CAST: variants seen among roughly 807,000 people sequenced by gnomAD.
CAST encodes the protein MIR583 host.
A neutral mutation model predicts 119.6 loss-of-function variants in CAST; 76 were observed. That is an observed-to-expected ratio of 0.64 (90% CI 0.53 to 0.77). CAST has a LOEUF of 0.77. CAST is among the 30% of genes least tolerant of loss of function. The pLI is 0.00. For missense variants in CAST, 953 were observed against 946.5 expected (o/e 1.01, Z -0.09); for synonymous variants, 319 against 331.6 (o/e 0.96, Z 0.41).
rs139937661 is a variant in CAST, at chr5:96,670,825, G to A, written c.76-4714G>A. ...TTCTTTGATTTTTATCTTGTTTTGT[G>A]TGACATGTTCCCTTGGCTGTCTATG... is the stretch of plus-strand genomic sequence containing the variant. On this transcript the variant is annotated intron_variant, in intron 1 of 31. Coordinates refer to ENST00000675179, the MANE Select transcript of CAST (RefSeq NM_001750.7). Among the ~76,000 whole-genome samples the A allele has an allele frequency of 2.4e-3, 371 of 152,222 alleles. 2 individuals are homozygous for A. Among genetic ancestry groups the A allele is most frequent in the Non-Finnish European group, 4.9e-3 (330 of 68,008 alleles).
At chr5:96,654,017 C>A (rs1748125123) in intron 1 of CAST, among the ~76,000 whole-genome samples, 1 of 131,448 alleles carries the variant, frequency 7.6e-6, no homozygotes, top group African/African-American at 2.9e-5. Flanking sequence ...TTATCGTTTT[C>A]TTTTCTTTTC....
chr5:96,544,063 A>G (rs1029121853), intron 1 of CAST, among the ~76,000 whole-genome samples: 30 of 152,224 alleles, frequency 2.0e-4, no homozygotes, highest in African/African-American at 6.0e-4. Context: ...GCCTTTCCAT[A>G]TAAACTTTAG....
chr5:96,181,016 TTGAG>T, the CAST span, among the ~76,000 whole-genome samples: 2 of 152,214 alleles, frequency 1.3e-5, no homozygotes, highest in Non-Finnish European at 2.9e-5. Context: ...AGAGCTATTA[TTGAG>T]TACTTTTCTT....
chr5:96,138,086 CTA>C, the CAST span, among the ~76,000 whole-genome samples: 1 of 151,802 alleles, frequency 6.6e-6, no homozygotes. Context: ...AGGTATTTTC[CTA>C]TGTTTTCTTT....
intron 1 of CAST, among the ~76,000 whole-genome samples, chr5:96,652,868 G>A (rs116324776): frequency 0.024 from 3,613 of 152,258 alleles, 67 homozygotes; most frequent in Middle Eastern, 0.041. Context: ...CAGACTGCAC[G>A]GGAACCATAA....
At chr5:96,421,279 G>A in the CAST span, among the ~76,000 whole-genome samples, 3 of 152,188 alleles carry the variant, frequency 2.0e-5, no homozygotes, top group Non-Finnish European at 4.4e-5. Flanking sequence ...TGGGAGTCGG[G>A]TGCTGTCTCC....
the CAST span, among the ~76,000 whole-genome samples, chr5:96,076,422 C>G: frequency 5.3e-5 from 8 of 152,176 alleles, no homozygotes; most frequent in Non-Finnish European, 1.2e-4. Context: ...AATTTATAAT[C>G]TTCCTTCTGA....
In CAST at chr5:96,741,477, T is replaced by C. The variant is rs1363557966; in HGVS notation, c.1012-17T>C. On this transcript the variant is annotated splice_polypyrimidine_tract_variant and intron_variant, in intron 14 of 31. Coordinates refer to ENST00000675179, the MANE Select transcript of CAST (RefSeq NM_001750.7). The stretch of plus-strand genomic sequence containing the variant: ...TTCCTCATCTGTAAGTCTAATCTTT[T>C]GTATTTTGTTTTTCAGGAATCTACA... The C allele has an allele frequency of 5.0e-6, 8 of 1,594,924 alleles. No homozygotes were observed. Among genetic ancestry groups the C allele is most frequent in the Non-Finnish European group, 6.9e-6 (8 of 1,163,258 alleles).
chr5:96,229,957 G>A, the CAST span, among the ~76,000 whole-genome samples: 1 of 152,166 alleles, frequency 6.6e-6, no homozygotes, highest in Non-Finnish European at 1.5e-5. Flanking sequence ...GACGCAGACA[G>A]CTGTTTATCA....
chr5:96,620,772 G>A (rs1464219151), intron 1 of CAST, among the ~76,000 whole-genome samples: 2 of 152,206 alleles, frequency 1.3e-5, no homozygotes, highest in African/African-American at 4.8e-5. Flanking sequence ...ATGCTTAAAT[G>A]TATTGGCATA....
In CAST at chr5:96,688,904, G is replaced by C. The variant is rs142231608; in HGVS notation, c.139-6932G>C. On this transcript the variant is annotated intron_variant, in intron 2 of 31. Coordinates refer to ENST00000675179, the MANE Select transcript of CAST (RefSeq NM_001750.7). Reference sequence around the variant, plus strand: ...TAGACCTTAAAGAGAGAAGTGCTGTGTATTTGAGATTTTTTACTTTGGGGC... The same window carrying C: ...TAGACCTTAAAGAGAGAAGTGCTGTCTATTTGAGATTTTTTACTTTGGGGC... 6.2e-3 allele frequency among the ~76,000 whole-genome samples: 945 copies of C among 152,224 alleles called. 10 individuals are homozygous for C. The highest frequency in any genetic ancestry group is 0.022 in the African/African-American group (896 of 41,530).
the CAST span, chr5:96,398,882 C>T: frequency 2.5e-6 from 4 of 1,612,650 alleles, no homozygotes; most frequent in African/African-American, 2.7e-5. Flanking sequence ...AATTTACCAG[C>T]AGCAGAAGTA....
the CAST span, among the ~76,000 whole-genome samples, chr5:96,518,192 C>T: frequency 6.6e-6 from 1 of 152,134 alleles, no homozygotes; most frequent in Non-Finnish European, 1.5e-5. Flanking sequence ...ACTAGGATGA[C>T]GATATGTAAT....
the CAST span, among the ~76,000 whole-genome samples, chr5:96,480,558 C>G: frequency 1.3e-5 from 2 of 152,162 alleles, no homozygotes; most frequent in South Asian, 4.2e-4. Context: ...TTAATAGAAA[C>G]TGAGGTTATG....
the CAST span, among the ~76,000 whole-genome samples, chr5:96,243,893 A>T: frequency 6.6e-6 from 1 of 152,206 alleles, no homozygotes; most frequent in Admixed American, 6.5e-5. Context: ...CATACCTATG[A>T]GAGTGTTCTT....
At chr5:96,663,552 AACC>A (rs1748889673) in intron 1 of CAST, among the ~76,000 whole-genome samples, 1 of 152,162 alleles carries the variant, frequency 6.6e-6, no homozygotes, top group Non-Finnish European at 1.5e-5. Context: ...GTTCTTTTTT[AACC>A]CCTAAGTAAA....
intron 1 of CAST, among the ~76,000 whole-genome samples, chr5:96,580,769 G>A (rs1440565414): frequency 6.6e-6 from 1 of 152,188 alleles, no homozygotes; most frequent in Non-Finnish European, 1.5e-5. Flanking sequence ...AAAAGGCAAG[G>A]CAAGGTAGTA....
intron 3 of CAST, among the ~76,000 whole-genome samples, chr5:96,697,623 T>C (rs1029881563): frequency 6.6e-6 from 1 of 152,266 alleles, no homozygotes; most frequent in East Asian, 1.9e-4. Context: ...GTCTGCTCTT[T>C]GTTAGCCATT....
intron 4 of CAST, 63 bp from the exon 5 acceptor site, chr5:96,726,731 C>T (rs183263070): frequency 2.7e-6 from 3 of 1,113,910 alleles, no homozygotes; most frequent in Admixed American, 3.9e-5. Flanking sequence ...CCTTTTTGTA[C>T]ATGTTACTTA....
Sources: gnomAD v4.1 joint callset for allele counts (sites outside exome capture counted in the v4.1 genomes callset) on GRCh38, gnomAD v4.1.1 for gene constraint, MANE v1.5 for transcripts, NCBI Gene and HGNC (gene_info 2026-07-23, HGNC 2026-07-21) for gene names.